Variants in RABGAP1 observed in about 807,000 individuals in gnomAD.
RABGAP1 encodes the protein rab GTPase-activating protein 1.
In RABGAP1, 23 loss-of-function variants were observed where a neutral mutation model predicts 137.6. The ratio of observed to expected loss-of-function variants is 0.17; its 90% CI spans 0.12 to 0.24. The LOEUF is 0.24. Ranked by LOEUF, RABGAP1 falls within the 10% of genes least tolerant of loss-of-function variation. The pLI is 1.00. For synonymous variants in RABGAP1, 451 were observed against 450.7 expected, an observed-to-expected ratio of 1.00 and a Z score of -0.01; for missense variants, 906 against 1,275.8, an observed-to-expected ratio of 0.71 and a Z score of 4.42.
chr9:123,045,596 T>C (rs2033168793), intron 13 of RABGAP1, among the ~76,000 whole-genome samples: 1 of 152,256 alleles, frequency 6.6e-6, no homozygotes, highest in Non-Finnish European at 1.5e-5. Flanking sequence ...TTAATCTGTC[T>C]GAATGTTAGA....
At chr9:122,968,088 G>T (rs1835266611) in intron 2 of RABGAP1, among the ~76,000 whole-genome samples, 1 of 151,500 alleles carries the variant, frequency 6.6e-6, no homozygotes, top group Admixed American at 6.6e-5. Context: ...ATGCGTTAAT[G>T]TGTATATATG....
At chr9:122,955,307 G>A (rs1467125960) in intron 1 of RABGAP1, among the ~76,000 whole-genome samples, 1 of 152,046 alleles carries the variant, frequency 6.6e-6, no homozygotes, top group East Asian at 1.9e-4. Context: ...TAAACTTTGG[G>A]GCAAGGTTCT....
rs368348244 is a variant in RABGAP1 at position 123,090,374 on chromosome 9, G to A, written c.2617G>A (p.Asp873Asn). The change falls in exon 21 of 26, where the codon GAC (aspartate) becomes AAC (asparagine). Residue 873 changes from aspartate (D) to asparagine (N), a missense_variant. By Grantham distance (23) the Asp-to-Asn change is conservative. Transcript: ENST00000373647. ...LVTSKIALRK[D>N]LDNAEEKADA... ...GACCAGCAAGATTGCACTACGGAAG[G>A]ACCTGGATAACGTAAGTCCAACGGG... 8.4e-5 allele frequency: 135 copies of A among 1,610,722 alleles called. No homozygotes were observed. Among genetic ancestry groups the A allele is most frequent in the Non-Finnish European group, 1.1e-4 (130 of 1,177,968 alleles).
At chr9:122,961,863 T>C (rs75326194) in intron 2 of RABGAP1, among the ~76,000 whole-genome samples, 2,420 of 152,192 alleles carry the variant, frequency 0.016, 36 homozygotes, top group South Asian at 0.066. Flanking sequence ...GGAGATAAGA[T>C]AGGGACAGAT....
rs1834571271 is a variant in RABGAP1, at chr9:122,957,150, C to G, written c.91C>G (p.Gln31Glu). The change falls in exon 2 of 26, where the codon CAA (glutamine) becomes GAA (glutamate). Residue 31 changes from glutamine to glutamate, a missense_variant. Physicochemically the swap from Gln to Glu is conservative, Grantham distance 29. Coordinates refer to ENST00000373647, the MANE Select transcript of RABGAP1 (RefSeq NM_012197.4). ...TGAAGATTTTGTCTTGGTTTCCAGG[C>G]AAGGAGATGAGACACCATCTACAAA... is the stretch of plus-strand genomic sequence containing the variant. ...NSEDFVLVSR[Q>E]GDETPSTNNG... is the part of the protein sequence containing the mutation. 1 of 1,571,916 alleles carries G rather than the reference C, an allele frequency of 6.4e-7. No homozygotes were observed. The highest frequency in any genetic ancestry group is 8.7e-7 in the Non-Finnish European group (1 of 1,150,822).
chr9:123,028,681 G>A (rs2032124455), intron 13 of RABGAP1, among the ~76,000 whole-genome samples: 1 of 152,186 alleles, frequency 6.6e-6, no homozygotes, highest in South Asian at 2.1e-4. Context: ...AAGGTTTTGG[G>A]CAACAGAAGC....
intron 21 of RABGAP1, among the ~76,000 whole-genome samples, chr9:123,096,005 C>T (rs563328014): frequency 1.2e-4 from 19 of 152,120 alleles, no homozygotes; most frequent in Non-Finnish European, 2.5e-4. Context: ...GGTGAATGTA[C>T]CACATACACT....
chr9:122,950,011 G>C (rs1834145471), intron 1 of RABGAP1, among the ~76,000 whole-genome samples: 1 of 152,180 alleles, frequency 6.6e-6, no homozygotes, highest in Admixed American at 6.5e-5. Flanking sequence ...GACTAGAATG[G>C]AAATTGGCTC....
intron 1 of RABGAP1, among the ~76,000 whole-genome samples, chr9:122,941,449 T>G (rs1833559611): frequency 6.6e-6 from 1 of 152,240 alleles, no homozygotes; most frequent in South Asian, 2.1e-4. Context: ...TGTTTTATGC[T>G]TGGTCCTATT....
intron 1 of RABGAP1, among the ~76,000 whole-genome samples, chr9:122,951,031 A>G (rs895930434): frequency 6.6e-6 from 1 of 152,162 alleles, no homozygotes; most frequent in East Asian, 1.9e-4. Context: ...TGTAGTATTG[A>G]TGGTTTTTAA....
chr9:123,069,343 C>T (rs1322630479), intron 14 of RABGAP1, among the ~76,000 whole-genome samples: 4 of 152,130 alleles, frequency 2.6e-5, no homozygotes, highest in South Asian at 2.1e-4. Context: ...AACAGTGTTT[C>T]GTGAGCGCAT....
intron 13 of RABGAP1, among the ~76,000 whole-genome samples, chr9:123,056,783 A>T (rs1338161850): frequency 6.6e-6 from 1 of 152,210 alleles, no homozygotes; most frequent in Non-Finnish European, 1.5e-5. Context: ...TTCAGAGAGC[A>T]CAGGGTTGGG....
At chr9:123,012,893 A>G (rs971897202) in intron 11 of RABGAP1, among the ~76,000 whole-genome samples, 1 of 152,184 alleles carries the variant, frequency 6.6e-6, no homozygotes, top group Non-Finnish European at 1.5e-5. Context: ...CAGAGAAACC[A>G]TTCCTGCTGT....
At chr9:122,956,649 C>A (rs78492703) in intron 1 of RABGAP1, among the ~76,000 whole-genome samples, 1,378 of 121,356 alleles carry the variant, frequency 0.011, no homozygotes, top group Middle Eastern at 0.025. Flanking sequence ...GACTCCGTCT[C>A]AAAAAAAAAA....
At chr9:122,962,470 A>T (rs1834902229) in intron 2 of RABGAP1, among the ~76,000 whole-genome samples, 1 of 152,060 alleles carries the variant, frequency 6.6e-6, no homozygotes, top group Non-Finnish European at 1.5e-5. Context: ...CTGGTGAGCC[A>T]TGGTCACACC....
At chr9:123,073,414 C>T (rs2034418321) in intron 15 of RABGAP1, 138 bp from the exon 16 acceptor site, 2 of 1,046,294 alleles carry the variant, frequency 1.9e-6, no homozygotes, top group Non-Finnish European at 2.8e-6. Flanking sequence ...AACCTTAGGC[C>T]TGAGTTTCTG....
At chr9:122,959,636 C>T (rs979939947) in intron 2 of RABGAP1, among the ~76,000 whole-genome samples, 2 of 152,188 alleles carry the variant, frequency 1.3e-5, no homozygotes, top group Admixed American at 6.5e-5. Context: ...GGTAACAAGA[C>T]CTGCCCTTTC....
At chr9:123,097,682 T>C in intron 21 of RABGAP1, 59 bp from the exon 22 acceptor site, 1 of 1,418,784 alleles carries the variant, frequency 7.0e-7, no homozygotes, top group Non-Finnish European at 9.7e-7. Context: ...TGCTAAGTAA[T>C]GGAAATCCTT....
intron 13 of RABGAP1, among the ~76,000 whole-genome samples, chr9:123,026,247 C>T (rs2031962287): frequency 1.3e-5 from 2 of 152,034 alleles, no homozygotes; most frequent in Admixed American, 6.5e-5. Context: ...TCGCTTGAAC[C>T]CCGGAGGCAG....
Sources: allele counts gnomAD v4.1 joint callset (sites outside exome capture counted in the v4.1 genomes callset), GRCh38; gene constraint gnomAD v4.1.1; transcripts MANE v1.5; gene names NCBI Gene and HGNC (gene_info 2026-07-23, HGNC 2026-07-21).